Variants in PRTG observed in about 807,000 individuals in gnomAD.
PRTG encodes the protein protogenin.
Under a neutral mutation model 122.5 loss-of-function variants are expected in PRTG, and 67 were observed. That is an observed-to-expected ratio of 0.55 (90% CI 0.45 to 0.67). The LOEUF (loss-of-function observed/expected upper bound fraction) is 0.67, where lower values mean the gene tolerates loss of function less well. PRTG is among the 30% of genes least tolerant of loss of function. The probability of loss-of-function intolerance (pLI) is 0.00; values close to 1 mark genes in which losing one functional copy is unlikely to be tolerated. For synonymous variants in PRTG, 554 were observed against 501.1 expected, an observed-to-expected ratio of 1.11 and a Z score of -1.41; for missense variants, 1,435 against 1,415.4, an observed-to-expected ratio of 1.01 and a Z score of -0.22.
intron 2 of PRTG, among the ~76,000 whole-genome samples, chr15:55,724,141 T>C (rs1323357467): frequency 6.6e-6 from 1 of 152,192 alleles, no homozygotes; most frequent in Non-Finnish European, 1.5e-5. Context: ...TAGAGGACAA[T>C]GTGTATTCTT....
intron 11 of PRTG, among the ~76,000 whole-genome samples, chr15:55,664,877 G>T (rs554528070): frequency 6.6e-6 from 1 of 152,158 alleles, no homozygotes; most frequent in African/African-American, 2.4e-5. Flanking sequence ...GTGAGCCACT[G>T]CACCTGGCAG....
chr15:55,679,308 C>T lies in PRTG; in HGVS notation c.1111G>A (p.Gly371Ser). 5.6e-6 allele frequency: 9 copies of T among 1,611,842 alleles called. No homozygotes were observed. The highest frequency in any genetic ancestry group is 7.6e-6 in the Non-Finnish European group (9 of 1,178,304). ...TACCTGTTGTACATTTTAATTCTAC[C>T]ATTCGAATGTATCTTCCTTCCATTT... is the stretch of plus-strand genomic sequence containing the variant. Reference protein sequence around the residue: ...LKNGRKIHSNGRIKMYNSKLV... With the variant: ...LKNGRKIHSNSRIKMYNSKLV... Residue 371 changes from glycine to serine, a missense_variant, in exon 7 of 20, where the codon GGT becomes AGT. Gly to Ser is a moderately conservative substitution (Grantham distance 56). Coordinates refer to ENST00000389286, the MANE Select transcript of PRTG (RefSeq NM_173814.6).
At chr15:55,665,773 C>A (rs2059436265) in intron 11 of PRTG, among the ~76,000 whole-genome samples, 1 of 151,890 alleles carries the variant, frequency 6.6e-6, no homozygotes, top group Non-Finnish European at 1.5e-5. Context: ...CAGGCTGGTC[C>A]CAAACTCCTG....
At chr15:55,727,110 GA>G (rs1301836787) in intron 2 of PRTG, among the ~76,000 whole-genome samples, 2 of 151,718 alleles carry the variant, frequency 1.3e-5, no homozygotes, top group Non-Finnish European at 2.9e-5. Flanking sequence ...ACCAGAAAAA[GA>G]AGTGAAAACT....
intron 16 of PRTG, among the ~76,000 whole-genome samples, chr15:55,628,035 CG>C (rs2059205401): frequency 6.6e-6 from 1 of 152,132 alleles, no homozygotes; most frequent in Non-Finnish European, 1.5e-5. Flanking sequence ...CCTGATAACA[CG>C]GTGGCTACGA....
intron 11 of PRTG, among the ~76,000 whole-genome samples, chr15:55,645,840 G>A (rs988049404): frequency 2.0e-5 from 3 of 151,998 alleles, no homozygotes; most frequent in Non-Finnish European, 4.4e-5. Context: ...TAGGCTATGT[G>A]GTTTTTGGGG....
At chr15:55,629,448 CTT>C (rs1311783982) in intron 15 of PRTG, among the ~76,000 whole-genome samples, 8 of 136,144 alleles carry the variant, frequency 5.9e-5, no homozygotes, top group Admixed American at 4.7e-4. Context: ...ATGTTTTACT[CTT>C]TACATAGATA....
Position 55,673,373 on chromosome 15 carries a change from T to G in PRTG, c.1850A>C (p.Lys617Thr). 1 of 1,608,094 alleles carries G rather than the reference T, an allele frequency of 6.2e-7. No homozygotes were observed. Among genetic ancestry groups the G allele is most frequent in the Non-Finnish European group, 8.5e-7 (1 of 1,174,940 alleles). Reference protein sequence around the residue: ...SHRTPKATSVKAPKSPELHLE... With the variant: ...SHRTPKATSVTAPKSPELHLE... ...CTTAACAGTCTTCAGAAATTCACCT[T>G]TCACGCTTGTAGCTTTGGGCGTCCT... The change falls in exon 10 of 20, where the codon AAA (lysine) becomes ACA (threonine). Residue 617 changes from lysine (K) to threonine (T), a missense_variant and splice_region_variant. By Grantham distance (78) the Lys-to-Thr change is moderately conservative. Coordinates refer to ENST00000389286, the MANE Select transcript of PRTG (RefSeq NM_173814.6).
chr15:55,687,821 C>T (rs2059578699), intron 2 of PRTG, among the ~76,000 whole-genome samples: 1 of 152,116 alleles, frequency 6.6e-6, no homozygotes, highest in Non-Finnish European at 1.5e-5. Flanking sequence ...GGAGAAAATA[C>T]CAAGCCAGAT....
At chr15:55,685,965 A>G (rs1020793097) in intron 2 of PRTG, among the ~76,000 whole-genome samples, 7 of 152,158 alleles carry the variant, frequency 4.6e-5, no homozygotes, top group South Asian at 2.1e-4. Context: ...GCTTCTGTAC[A>G]CTTGCTAGGA....
intron 15 of PRTG, among the ~76,000 whole-genome samples, chr15:55,631,178 C>T (rs2059225529): frequency 6.6e-6 from 1 of 151,988 alleles, no homozygotes; most frequent in Non-Finnish European, 1.5e-5. Flanking sequence ...CAAAGTGACC[C>T]CTATTTAGAA....
chr15:55,675,407 A>C (rs2059496869), intron 9 of PRTG, 112 bp downstream of exon 9: 1 of 711,814 alleles, frequency 1.4e-6, no homozygotes, highest in East Asian at 2.7e-5. Flanking sequence ...AATTTAACAT[A>C]CCTGTTTTTT....
intron 18 of PRTG, among the ~76,000 whole-genome samples, chr15:55,622,689 C>A (rs1458150154): frequency 6.6e-6 from 1 of 152,070 alleles, no homozygotes; most frequent in Non-Finnish European, 1.5e-5. Context: ...CCGCGCCCGG[C>A]CACACCTGGC....
At position 55,707,785 on chromosome 15, in the gene PRTG, T is replaced by C. The variant is rs567769318; in HGVS notation, c.398-23854A>G. Among the ~76,000 whole-genome samples the C allele has an allele frequency of 2.6e-3, 397 of 152,276 alleles. 2 individuals carry two copies. The highest frequency in any genetic ancestry group is 4.6e-3 in the Non-Finnish European group (315 of 68,030). ...GTAGTGGAGAGCCAAACAATCTTAC[T>C]TTTCCTTTGATGGTTTATAACAAAT... On this transcript the variant is annotated intron_variant, in intron 2 of 19. Transcript: ENST00000389286.
intron 2 of PRTG, among the ~76,000 whole-genome samples, chr15:55,716,777 C>T (rs147444763): frequency 3.4e-4 from 52 of 152,214 alleles, no homozygotes; most frequent in Admixed American, 2.8e-3. Context: ...TTAACAGCAG[C>T]GTGGAAAAAG....
intron 2 of PRTG, among the ~76,000 whole-genome samples, chr15:55,717,938 G>T (rs1433966348): frequency 6.6e-6 from 1 of 152,174 alleles, no homozygotes; most frequent in East Asian, 1.9e-4. Flanking sequence ...CCGTGACTTG[G>T]ATCGGGGGAC....
chr15:55,712,083 A>G (rs2030409520), intron 2 of PRTG, among the ~76,000 whole-genome samples: 1 of 152,228 alleles, frequency 6.6e-6, no homozygotes, highest in Non-Finnish European at 1.5e-5. Flanking sequence ...AATTAAAATG[A>G]AGCAATGAAG....
intron 2 of PRTG, among the ~76,000 whole-genome samples, chr15:55,718,497 C>T (rs751511319): frequency 9.2e-5 from 14 of 151,980 alleles, no homozygotes; most frequent in Non-Finnish European, 1.8e-4. Context: ...CCCGCTTTGA[C>T]GGTAATTTTC....
intron 11 of PRTG, among the ~76,000 whole-genome samples, chr15:55,657,450 A>G (rs757274641): frequency 6.6e-6 from 1 of 152,198 alleles, no homozygotes; most frequent in Non-Finnish European, 1.5e-5. Flanking sequence ...TCTCTAGGTC[A>G]ACCAAAACTC....
Sources: allele counts gnomAD v4.1 joint callset (sites outside exome capture counted in the v4.1 genomes callset), GRCh38; gene constraint gnomAD v4.1.1; transcripts MANE v1.5; gene names NCBI Gene and HGNC (gene_info 2026-07-23, HGNC 2026-07-21).